DYNLT2: variants seen among roughly 807,000 people sequenced by gnomAD.
The protein encoded by DYNLT2 is dynein light chain Tctex-type protein 2.
DYNLT2 carries 24 observed loss-of-function variants against 24.3 expected under a neutral mutation model. The observed-to-expected ratio is 0.99, with a 90% CI of 0.71 to 1.39. The LOEUF is 1.39. Ranked by LOEUF, DYNLT2 falls within the 40% of genes most tolerant of loss-of-function variation. The pLI, the probability that DYNLT2 is intolerant of heterozygous loss-of-function variation, is 0.00. For missense variants in DYNLT2, 246 were observed against 234.5 expected, an observed-to-expected ratio of 1.05 and a Z score of -0.32; for synonymous variants, 85 against 85.4, an observed-to-expected ratio of 1.00 and a Z score of 0.03.
At chr6:169,745,017 CCTTG>C (rs1360152024) in intron 1 of DYNLT2, among the ~76,000 whole-genome samples, 1 of 152,114 alleles carries the variant, frequency 6.6e-6, no homozygotes, top group Non-Finnish European at 1.5e-5. Context: ...AAGTGGACAT[CCTTG>C]CTTTGTTACT....
rs1790081521 is a variant in DYNLT2, at chr6:169,751,568, G to A, written c.-110C>T. ...CTCCCACCTGCGCCTCGTACGGTAG[G>A]AAGTGCCCGCCAGGGCTCCAAAGCG... On this transcript the variant is annotated 5_prime_UTR_variant, in exon 1 of 4. Transcript: ENST00000366774. 6.2e-7 allele frequency: 1 copy of A among 1,608,718 alleles called. No individual in the cohort carries two copies. Among genetic ancestry groups the A allele is most frequent in the South Asian group, 1.1e-5 (1 of 90,602 alleles).
At chr6:169,741,371 A>C (rs1221341302) in intron 3 of DYNLT2, among the ~76,000 whole-genome samples, 1 of 152,212 alleles carries the variant, frequency 6.6e-6, no homozygotes, top group African/African-American at 2.4e-5. Context: ...CCCAGGCCAC[A>C]GCTAGCCCAC....
intron 1 of DYNLT2, chr6:169,749,551 AT>A (rs1250777156): frequency 6.6e-6 from 1 of 152,282 alleles, no homozygotes; most frequent in Non-Finnish European, 1.5e-5. Flanking sequence ...TACAGTTTAC[AT>A]AACAGCAGAG....
intron 1 of DYNLT2, among the ~76,000 whole-genome samples, chr6:169,746,506 GTTCT>G (rs1487520470): frequency 2.0e-5 from 3 of 152,120 alleles, no homozygotes; most frequent in South Asian, 2.1e-4. Flanking sequence ...AGCATTTCTA[GTTCT>G]TTCTTAGGAT....
At chr6:169,726,115 G>A in the DYNLT2 span, among the ~76,000 whole-genome samples, 1 of 152,156 alleles carries the variant, frequency 6.6e-6, no homozygotes, top group Admixed American at 6.5e-5. Context: ...TATTTAGGTT[G>A]ACAAGATCAA....
intron 1 of DYNLT2, chr6:169,750,873 G>T (rs1789999999): frequency 6.6e-6 from 1 of 152,642 alleles, no homozygotes; most frequent in South Asian, 2.1e-4. Flanking sequence ...TATCCAGACT[G>T]CTGATGTTTT....
At chr6:169,748,685 C>T (rs571761691) in intron 1 of DYNLT2, among the ~76,000 whole-genome samples, 1 of 152,096 alleles carries the variant, frequency 6.6e-6, no homozygotes, top group Non-Finnish European at 1.5e-5. Flanking sequence ...TGATTGGGAC[C>T]TTCCTTTCCT....
chr6:169,737,368 C>T (rs575814865), downstream of DYNLT2, among the ~76,000 whole-genome samples: 36 of 152,308 alleles, frequency 2.4e-4, no homozygotes, highest in African/African-American at 8.7e-4. Context: ...GATGGAGAGA[C>T]ACTGTGATCA....
intron 1 of DYNLT2, among the ~76,000 whole-genome samples, chr6:169,749,069 ATTTC>A (rs1187205168): frequency 6.6e-6 from 1 of 152,028 alleles, no homozygotes; most frequent in East Asian, 1.9e-4. Flanking sequence ...TATTACTTTT[ATTTC>A]TAAATGCCAC....
At chr6:169,748,560 ATC>A (rs1789864672) in intron 1 of DYNLT2, among the ~76,000 whole-genome samples, 1 of 152,188 alleles carries the variant, frequency 6.6e-6, no homozygotes, top group Non-Finnish European at 1.5e-5. Context: ...TCTTGTGATC[ATC>A]TGTCAGGCTT....
chr6:169,749,843 T>G (rs531946740), intron 1 of DYNLT2: 1 of 152,200 alleles, frequency 6.6e-6, no homozygotes, highest in South Asian at 2.1e-4. Context: ...GATGGTCATA[T>G]TGATGAAACA....
At chr6:169,732,222 A>G in the DYNLT2 span, among the ~76,000 whole-genome samples, 1 of 152,256 alleles carries the variant, frequency 6.6e-6, no homozygotes, top group East Asian at 1.9e-4. Context: ...ATGAAAGAAC[A>G]GTTGTTCTGA....
At chr6:169,729,214 A>G in the DYNLT2 span, among the ~76,000 whole-genome samples, 2 of 152,206 alleles carry the variant, frequency 1.3e-5, no homozygotes, top group East Asian at 3.9e-4. Context: ...TTCTAGTGCA[A>G]TTTAAACCAA....
At chr6:169,751,175 A>C (rs1458581970) in intron 1 of DYNLT2, 164 bp downstream of exon 1, 1 of 1,091,076 alleles carries the variant, frequency 9.2e-7, no homozygotes, top group Non-Finnish European at 1.3e-6. Flanking sequence ...TGCCCAACTC[A>C]GTCTCAGGCT....
chr6:169,747,766 T>A (rs777824074), intron 1 of DYNLT2, among the ~76,000 whole-genome samples: 1 of 152,244 alleles, frequency 6.6e-6, no homozygotes, highest in African/African-American at 2.4e-5. Context: ...GTGTAATTTC[T>A]GGGCTGTTTT....
Position 169,743,151 on chromosome 6 carries a change from C to T in DYNLT2, c.415G>A (p.Glu139Lys), listed in dbSNP as rs772906220. The T allele has an allele frequency of 6.3e-7, 1 of 1,579,756 alleles. No homozygotes were observed. Among genetic ancestry groups the T allele is most frequent in the South Asian group, 1.2e-5 (1 of 86,064 alleles). ...LADRILLAVK[E>K]FGYHRYKFII... ...AACTTATAACGGTGGTACCCAAATT[C>T]TTTGACTGCTAACAGTATGCGGTCT... The change falls in exon 3 of 4, where the codon GAA becomes AAA. Residue 139 changes from glutamate to lysine, a missense_variant. Glu to Lys is a moderately conservative substitution (Grantham distance 56). Transcript: ENST00000366774.
At position 169,744,193 on chromosome 6, in the gene DYNLT2, C is replaced by T. The variant is rs550264282; in HGVS notation, c.202G>A (p.Ala68Thr). 136 of 1,613,536 alleles carry T rather than the reference C, an allele frequency of 8.4e-5. No individual in the cohort carries two copies. Among genetic ancestry groups the T allele is most frequent in the Middle Eastern group, 3.3e-4 (2 of 6,078 alleles). Residue 68 changes from alanine (A) to threonine (T), a missense_variant, in exon 2 of 4, where the codon GCT becomes ACT. By Grantham distance (58) the Ala-to-Thr change is moderately conservative (BLOSUM62 0). Coordinates refer to ENST00000366774, the MANE Select transcript of DYNLT2 (RefSeq NM_174910.3). The part of the protein sequence containing the change: ...YVEPPFDDSI[A>T]DIGKEWKSAL... ...CTCTTCCATTCTTTACCTATATCAG[C>T]AATTGAGTCATCAAAAGGAGGCTCC...
At chr6:169,743,315 G>T in intron 2 of DYNLT2, 77 bp from the exon 3 acceptor site, 1 of 778,868 alleles carries the variant, frequency 1.3e-6, no homozygotes, top group Non-Finnish European at 1.8e-6. Context: ...TAGAAAACAT[G>T]TCTAAATAAT....
the DYNLT2 span, among the ~76,000 whole-genome samples, chr6:169,730,610 T>C: frequency 2.0e-5 from 3 of 152,004 alleles, no homozygotes; most frequent in Non-Finnish European, 4.4e-5. Flanking sequence ...TAAAGAAAGT[T>C]CCGGCCGGGC....
Sources: gnomAD v4.1 joint callset for allele counts (sites outside exome capture counted in the v4.1 genomes callset) on GRCh38, gnomAD v4.1.1 for gene constraint, MANE v1.5 for transcripts, NCBI Gene and HGNC (gene_info 2026-07-23, HGNC 2026-07-21) for gene names.